The following TRAPPC8 variants were observed in gnomAD, a reference collection of about 807,000 sequenced individuals.
TRAPPC8 encodes the protein trafficking protein particle complex subunit 8, also known as general sporulation gene 1 homolog.
A neutral mutation model predicts 174.3 loss-of-function variants in TRAPPC8; 54 were observed. That is an observed-to-expected ratio of 0.31 (90% CI 0.25 to 0.39). The LOEUF (loss-of-function observed/expected upper bound fraction) is 0.39, where lower values mean the gene tolerates loss of function less well. TRAPPC8 is among the 10% of genes least tolerant of loss of function. TRAPPC8 has a pLI of 1.00. For synonymous variants in TRAPPC8, 630 were observed against 579.9 expected, an observed-to-expected ratio of 1.09 and a Z score of -1.24; for missense variants, 1,531 against 1,699.1, an observed-to-expected ratio of 0.90 and a Z score of 1.74.
chr18:31,905,583 C>G (rs1344387129), intron 9 of TRAPPC8, among the ~76,000 whole-genome samples: 1 of 152,142 alleles, frequency 6.6e-6, no homozygotes, highest in Non-Finnish European at 1.5e-5. Context: ...TGCTAAGCTG[C>G]CTATCTAGAT....
Position 31,830,638 on chromosome 18 carries a change from T to C in TRAPPC8, c.*117A>G, listed in dbSNP as rs1380665951. The C allele has an allele frequency of 1.2e-5, 10 of 804,200 alleles. No homozygotes were observed. The highest frequency in any genetic ancestry group is 2.7e-4 in the Middle Eastern group (1 of 3,700). The allele number at this position is 804,200 out of a possible 1,614,324, so 49.8% of individuals were successfully genotyped here. ...TCAACAAAATGACAAGTCAAAGTAT[T>C]TTGCAGGGATCAGATATCAATCAAC... On this transcript the variant is annotated 3_prime_UTR_variant, in exon 29 of 29. Coordinates refer to ENST00000283351, the MANE Select transcript of TRAPPC8 (RefSeq NM_014939.5).
chr18:31,863,514 G>T (rs959651968), intron 19 of TRAPPC8, among the ~76,000 whole-genome samples: 1 of 152,076 alleles, frequency 6.6e-6, no homozygotes, highest in Non-Finnish European at 1.5e-5. Flanking sequence ...CATATGTAAC[G>T]GTTAAAAAGA....
At chr18:31,903,487 G>C (rs900898867) in intron 9 of TRAPPC8, among the ~76,000 whole-genome samples, 1 of 152,046 alleles carries the variant, frequency 6.6e-6, no homozygotes, top group Non-Finnish European at 1.5e-5. Flanking sequence ...CCTCCTCCCT[G>C]TTCTTCCCTA....
intron 26 of TRAPPC8, among the ~76,000 whole-genome samples, chr18:31,841,836 C>G (rs1371782670): frequency 6.6e-6 from 1 of 151,990 alleles, no homozygotes; most frequent in Non-Finnish European, 1.5e-5. Flanking sequence ...TTACTTTATC[C>G]CCCAGTATCA....
chr18:31,917,452 G>T, intron 3 of TRAPPC8, 126 bp downstream of exon 3: 1 of 801,350 alleles, frequency 1.2e-6, no homozygotes, highest in Non-Finnish European at 2.0e-6. Context: ...TCCGTGTATT[G>T]TCAATCTATA....
At chr18:31,874,379 A>C in intron 13 of TRAPPC8, 101 bp downstream of exon 13, 1 of 1,249,588 alleles carries the variant, frequency 8.0e-7, no homozygotes, top group Non-Finnish European at 1.1e-6. Flanking sequence ...TGATAACTAC[A>C]TATATTCTAA....
At chr18:31,836,862 T>A (rs12957830) in intron 27 of TRAPPC8, among the ~76,000 whole-genome samples, 1 of 150,074 alleles carries the variant, frequency 6.7e-6, no homozygotes, top group Non-Finnish European at 1.5e-5. Context: ...CCTGGGTTCA[T>A]GCCATTCTCC....
At chr18:31,839,853 A>G (rs1265722177) in intron 26 of TRAPPC8, among the ~76,000 whole-genome samples, 2 of 152,234 alleles carry the variant, frequency 1.3e-5, no homozygotes, top group Non-Finnish European at 2.9e-5. Flanking sequence ...AGGACTGCAG[A>G]CATTCGATTG....
chr18:31,900,104 C>T (rs187738933), intron 10 of TRAPPC8, among the ~76,000 whole-genome samples: 10 of 152,070 alleles, frequency 6.6e-5, no homozygotes, highest in East Asian at 5.8e-4. Context: ...CATGGTGGCG[C>T]GCACCTGTAA....
intron 1 of TRAPPC8, among the ~76,000 whole-genome samples, chr18:31,933,805 T>TAA (rs11388008): frequency 1.4e-4 from 21 of 150,776 alleles, no homozygotes; most frequent in African/African-American, 3.2e-4. Flanking sequence ...CATTTTTTAC[T>TAA]AAAAAAAAAG....
At chr18:31,885,610 G>C (rs1188136245) in intron 12 of TRAPPC8, among the ~76,000 whole-genome samples, 2 of 152,002 alleles carry the variant, frequency 1.3e-5, no homozygotes, top group African/African-American at 4.8e-5. Context: ...TGTAATCCCA[G>C]CACTTTGGGA....
chr18:31,897,882 C>T lies in TRAPPC8; in HGVS notation c.1500G>A (p.Val500=), dbSNP rs2036247106. Residue 500 remains valine (V), a synonymous_variant, in exon 11 of 29, where the codon GTG becomes GTA. Coordinates refer to ENST00000283351, the MANE Select transcript of TRAPPC8 (RefSeq NM_014939.5). Reference sequence around the variant, plus strand: ...TAAGCAACACACATCTTTCAGCCAACACCATATTCCTATAGAAAAAAGGAC... The same window carrying T: ...TAAGCAACACACATCTTTCAGCCAATACCATATTCCTATAGAAAAAAGGAC... ...QTYRDICKNM[V]LAERCVLLSA... 6.2e-7 allele frequency: 1 copy of T among 1,610,402 alleles called. No homozygotes were observed. Among genetic ancestry groups the T allele is most frequent in the African/African-American group, 1.3e-5 (1 of 74,808 alleles).
At position 31,857,705 on chromosome 18, in the gene TRAPPC8, G is replaced by A. The variant is rs150390631; in HGVS notation, c.3023C>T (p.Thr1008Ile). Residue 1008 changes from threonine to isoleucine, a missense_variant, in exon 20 of 29, where the codon ACA (threonine) becomes ATA (isoleucine). Transcript: ENST00000283351. ...SASSVDFGIG[T>I]GSQPEVIPVP... The stretch of plus-strand genomic sequence containing the variant: ...AGGAATCACCTCTGGTTGACTTCCT[G>A]TGCCAATGCCAAAGTCTACAGAAGA... The A allele has an allele frequency of 2.1e-3, 3,387 of 1,614,134 alleles. 10 individuals are homozygous for A. The highest frequency in any genetic ancestry group is 3.6e-3 in the Middle Eastern group (22 of 6,062).
chr18:31,916,541 G>GT, intron 3 of TRAPPC8, 95 bp from the exon 4 acceptor site: 1 of 1,284,896 alleles, frequency 7.8e-7, no homozygotes, highest in Non-Finnish European at 1.0e-6. Flanking sequence ...TTGTTTGTTT[G>GT]TTTGTTTCTG....
At position 31,897,898 on chromosome 18, in the gene TRAPPC8, A is replaced by C; in HGVS notation, c.1491-7T>G. 1.2e-6 allele frequency: 2 copies of C among 1,605,114 alleles called. No individual in the cohort carries two copies. The highest frequency in any genetic ancestry group is 4.5e-5 in the East Asian group (2 of 44,666). On this transcript the variant is annotated splice_polypyrimidine_tract_variant and splice_region_variant and intron_variant, in intron 10 of 28. Coordinates refer to ENST00000283351, the MANE Select transcript of TRAPPC8 (RefSeq NM_014939.5). The stretch of plus-strand genomic sequence containing the variant: ...TTCAGCCAACACCATATTCCTATAG[A>C]AAAAAGGACAAGAAGATAAAATAGC...
chr18:31,860,510 C>A (rs1203378501), intron 19 of TRAPPC8, among the ~76,000 whole-genome samples: 1 of 152,124 alleles, frequency 6.6e-6, no homozygotes, highest in Non-Finnish European at 1.5e-5. Context: ...TTCATTCTCA[C>A]CCTTGTTTGA....
intron 9 of TRAPPC8, among the ~76,000 whole-genome samples, chr18:31,901,559 G>A (rs567921283): frequency 1.3e-5 from 2 of 152,326 alleles, no homozygotes; most frequent in African/African-American, 4.8e-5. Flanking sequence ...TCAAAAGGGA[G>A]AGGCTTCCAT....
intron 21 of TRAPPC8, among the ~76,000 whole-genome samples, chr18:31,854,388 T>A (rs971604649): frequency 1.3e-5 from 2 of 152,114 alleles, no homozygotes; most frequent in East Asian, 3.9e-4. Flanking sequence ...CACATGAAAT[T>A]ATTTAAGTAG....
chr18:31,847,647 CAG>C (rs1170943458), intron 25 of TRAPPC8, among the ~76,000 whole-genome samples: 15 of 152,168 alleles, frequency 9.9e-5, no homozygotes, highest in Non-Finnish European at 1.9e-4. Context: ...TAGGATGGCT[CAG>C]GACCTGTTCA....
Sources: gnomAD v4.1 joint callset for allele counts (sites outside exome capture counted in the v4.1 genomes callset) on GRCh38, gnomAD v4.1.1 for gene constraint, MANE v1.5 for transcripts, NCBI Gene and HGNC (gene_info 2026-07-23, HGNC 2026-07-21) for gene names.